MYO1E: variants seen among roughly 807,000 people sequenced by gnomAD.
MYO1E encodes unconventional myosin-Ie.
MYO1E carries 68 observed loss-of-function variants against 151.1 expected under a neutral mutation model. The observed-to-expected ratio is 0.45, with a 90% CI of 0.37 to 0.55. The LOEUF is 0.55. Ranked by LOEUF, MYO1E falls within the 20% of genes least tolerant of loss-of-function variation. MYO1E has a pLI of 0.00. For synonymous variants in MYO1E, 601 were observed against 501.7 expected, an observed-to-expected ratio of 1.20 and a Z score of -2.64; for missense variants, 1,363 against 1,389.3, an observed-to-expected ratio of 0.98 and a Z score of 0.30.
chr15:59,362,156 T>C (rs1388432894), intron 1 of MYO1E, among the ~76,000 whole-genome samples: 1 of 152,168 alleles, frequency 6.6e-6, no homozygotes, highest in Non-Finnish European at 1.5e-5. Flanking sequence ...TAAAATAATA[T>C]CCACACAAAT....
chr15:59,138,204 T>C lies in MYO1E; in HGVS notation c.3244A>G (p.Lys1082Glu). The C allele has an allele frequency of 1.2e-6, 2 of 1,614,196 alleles. No individual in the cohort carries two copies. Among genetic ancestry groups the C allele is most frequent in the Non-Finnish European group, 1.7e-6 (2 of 1,180,040 alleles). ...FNANDIIDIIKEDPSGWWTGR... is the reference protein window; with the variant it reads ...FNANDIIDIIEEDPSGWWTGR... Reference sequence around the variant, plus strand: ...CAACCAGCCACACACTTACCTTCTTTGATAATATCAATAATGTCATTGGCA... The same window carrying C: ...CAACCAGCCACACACTTACCTTCTTCGATAATATCAATAATGTCATTGGCA... The change falls in exon 27 of 28, where the codon AAA becomes GAA. Residue 1082 changes from lysine to glutamate, a missense_variant. Coordinates refer to ENST00000288235, the MANE Select transcript of MYO1E (RefSeq NM_004998.4).
chr15:59,300,642 C>T (rs1490862179), intron 1 of MYO1E, among the ~76,000 whole-genome samples: 1 of 152,092 alleles, frequency 6.6e-6, no homozygotes, highest in South Asian at 2.1e-4. Context: ...ATCTAGAAAC[C>T]TGTGATCGCC....
intron 1 of MYO1E, among the ~76,000 whole-genome samples, chr15:59,357,517 C>T (rs1165192126): frequency 1.3e-5 from 2 of 151,738 alleles, no homozygotes; most frequent in African/African-American, 4.8e-5. Context: ...CTCCGCCTCC[C>T]GGGTTCAAGC....
At chr15:59,277,637 C>G (rs1294935210) in intron 1 of MYO1E, among the ~76,000 whole-genome samples, 4 of 151,862 alleles carry the variant, frequency 2.6e-5, no homozygotes, top group Admixed American at 6.6e-5. Flanking sequence ...TCAAGATACA[C>G]CTGCAAAAGA....
At chr15:59,232,306 T>G (rs116824836) in intron 5 of MYO1E, among the ~76,000 whole-genome samples, 1,833 of 152,324 alleles carry the variant, frequency 0.012, 36 homozygotes, top group African/African-American at 0.042. Flanking sequence ...TTAATATTCA[T>G]GAATCACCTG....
At chr15:59,233,661 T>TTAAA (rs752648841) in intron 5 of MYO1E, among the ~76,000 whole-genome samples, 3 of 78,376 alleles carry the variant, frequency 3.8e-5, no homozygotes, top group Non-Finnish European at 4.7e-5. Flanking sequence ...AGACTCCGTC[T>TTAAA]AAAAAAAAAA....
intron 1 of MYO1E, among the ~76,000 whole-genome samples, chr15:59,344,229 T>C (rs1388111106): frequency 6.6e-6 from 1 of 152,266 alleles, no homozygotes; most frequent in Non-Finnish European, 1.5e-5. Flanking sequence ...ATCTGCATTA[T>C]GGGGTACCCC....
At chr15:59,321,868 AAAAAG>A (rs1299022944) in intron 1 of MYO1E, among the ~76,000 whole-genome samples, 9 of 152,110 alleles carry the variant, frequency 5.9e-5, no homozygotes, top group African/African-American at 1.9e-4. Context: ...CCTGGCTCAA[AAAAAG>A]AAAAGAAAAG....
At chr15:59,137,516 A>G (rs766427699) in intron 27 of MYO1E, 60 bp from the exon 28 acceptor site, 2 of 1,356,914 alleles carry the variant, frequency 1.5e-6, no homozygotes, top group Non-Finnish European at 2.1e-6. Flanking sequence ...CCCCAGCCAC[A>G]CACACTCCGC....
intron 1 of MYO1E, among the ~76,000 whole-genome samples, chr15:59,319,798 G>C (rs1384506432): frequency 6.6e-6 from 1 of 152,030 alleles, no homozygotes; most frequent in East Asian, 1.9e-4. Flanking sequence ...AGCTACTCAG[G>C]AGGTTGAGGC....
At chr15:59,213,973 G>C (rs1010395542) in intron 12 of MYO1E, among the ~76,000 whole-genome samples, 4 of 152,206 alleles carry the variant, frequency 2.6e-5, no homozygotes, top group Admixed American at 2.6e-4. Context: ...TGAGTCAGTA[G>C]AGTAAAAGCA....
chr15:59,211,043 T>C (rs1162683147), intron 12 of MYO1E, among the ~76,000 whole-genome samples: 1 of 151,810 alleles, frequency 6.6e-6, no homozygotes, highest in Admixed American at 6.6e-5. Context: ...CTACTAAAAA[T>C]ACAAAAAGAA....
At chr15:59,249,755 A>G (rs984892510) in intron 4 of MYO1E, among the ~76,000 whole-genome samples, 5 of 152,144 alleles carry the variant, frequency 3.3e-5, no homozygotes, top group Non-Finnish European at 5.9e-5. Context: ...CTTCTCTTCC[A>G]GCCTCCAAGA....
At chr15:59,286,632 G>T (rs2080389252) in intron 1 of MYO1E, among the ~76,000 whole-genome samples, 1 of 152,138 alleles carries the variant, frequency 6.6e-6, no homozygotes, top group African/African-American at 2.4e-5. Context: ...TTGCTATAGG[G>T]ATACGGAGTC....
intron 1 of MYO1E, among the ~76,000 whole-genome samples, chr15:59,305,856 A>C (rs1250891364): frequency 6.6e-6 from 1 of 152,156 alleles, no homozygotes; most frequent in Non-Finnish European, 1.5e-5. Context: ...AGGACATTCA[A>C]AATTAGGAGG....
Position 59,180,091 on chromosome 15 carries a change from A to C in MYO1E, c.1905-1554T>G, listed in dbSNP as rs144436756. On this transcript the variant is annotated intron_variant, in intron 18 of 27. Transcript: ENST00000288235. ...TTTAGGAGCCTTCTCTGCTCCTCTC[A>C]AATGTCTGCATCTTGCCTGATAATA... is the stretch of plus-strand genomic sequence containing the variant. 3.5e-3 allele frequency among the ~76,000 whole-genome samples: 528 copies of C among 152,336 alleles called. 5 individuals are homozygous for C. The highest frequency in any genetic ancestry group is 0.012 in the African/African-American group (501 of 41,588).
At chr15:59,139,388 A>C (rs1241299160) in intron 26 of MYO1E, among the ~76,000 whole-genome samples, 1 of 137,470 alleles carries the variant, frequency 7.3e-6, no homozygotes, top group Non-Finnish European at 1.5e-5. Flanking sequence ...TACTCATCAC[A>C]CTTCCCTCCC....
Position 59,217,933 on chromosome 15 carries a change from G to C in MYO1E, c.1065C>G (p.Leu355=). The C allele has an allele frequency of 6.2e-7, 1 of 1,614,182 alleles. No homozygotes were observed. Among genetic ancestry groups the C allele is most frequent in the Admixed American group, 1.7e-5 (1 of 60,020 alleles). ...VEQACYTRDA[L]AKALHARVFD... is the part of the protein sequence containing the mutation. ...AGACCCGGGCGTGCAGGGCCTTGGC[G>C]AGCGCATCCCGGGTGTAACAGGCCT... Residue 355 remains leucine, a synonymous_variant, in exon 10 of 28, where the codon CTC becomes CTG. Transcript: ENST00000288235.
chr15:59,267,114 C>A (rs2080260579), intron 2 of MYO1E, among the ~76,000 whole-genome samples: 1 of 146,884 alleles, frequency 6.8e-6, no homozygotes, highest in Non-Finnish European at 1.5e-5. Context: ...CAACCTCCGC[C>A]TCCCGGGTTC....
Sources: gnomAD v4.1 joint callset for allele counts (sites outside exome capture counted in the v4.1 genomes callset) on GRCh38, gnomAD v4.1.1 for gene constraint, MANE v1.5 for transcripts, NCBI Gene and HGNC (gene_info 2026-07-23, HGNC 2026-07-21) for gene names.